AK5: variants seen among roughly 807,000 people sequenced by gnomAD.
AK5 encodes the protein adenylate kinase 5, also known as adenylate kinase isoenzyme 5.
Under a neutral mutation model 69.5 loss-of-function variants are expected in AK5, and 27 were observed. That is an observed-to-expected ratio of 0.39 (90% CI 0.29 to 0.54). AK5 has a LOEUF of 0.54. Ranked by LOEUF, AK5 falls within the 20% of genes least tolerant of loss-of-function variation. AK5 has a pLI of 0.71. For missense variants in AK5, 531 were observed against 700.4 expected, an observed-to-expected ratio of 0.76 and a Z score of 2.73; for synonymous variants, 260 against 244.4, an observed-to-expected ratio of 1.06 and a Z score of -0.60.
chr1:77,291,328 C>T (rs966159489), intron 2 of AK5, among the ~76,000 whole-genome samples: 3 of 152,186 alleles, frequency 2.0e-5, no homozygotes, highest in African/African-American at 7.2e-5. Context: ...TCCATTTCCC[C>T]TGCTGCCACT....
intron 6 of AK5, among the ~76,000 whole-genome samples, chr1:77,355,618 C>T (rs1662471120): frequency 6.6e-6 from 1 of 152,126 alleles, no homozygotes. Context: ...GGTCCCATAA[C>T]ACCCCATTTT....
At chr1:77,478,383 G>A (rs751723532) in intron 8 of AK5, among the ~76,000 whole-genome samples, 10 of 152,158 alleles carry the variant, frequency 6.6e-5, no homozygotes, top group Non-Finnish European at 1.3e-4. Flanking sequence ...TTCCTATGCT[G>A]TTCTCATGAT....
chr1:77,448,792 G>A (rs903076439), intron 8 of AK5, among the ~76,000 whole-genome samples: 1 of 152,212 alleles, frequency 6.6e-6, no homozygotes, highest in Non-Finnish European at 1.5e-5. Context: ...CTGAGCCAGG[G>A]CTGTAACACC....
intron 8 of AK5, among the ~76,000 whole-genome samples, chr1:77,420,987 A>G (rs973023140): frequency 3.9e-5 from 6 of 152,230 alleles, no homozygotes; most frequent in African/African-American, 1.4e-4. Context: ...AAAACATCAT[A>G]TGTGGATACT....
chr1:77,467,594 T>C (rs185017338), intron 8 of AK5, among the ~76,000 whole-genome samples: 335 of 152,344 alleles, frequency 2.2e-3, no homozygotes, highest in African/African-American at 7.2e-3. Context: ...TATATACTAA[T>C]GTGTCAAATC....
At chr1:77,511,190 G>A (rs1030856483) in intron 10 of AK5, among the ~76,000 whole-genome samples, 1 of 152,044 alleles carries the variant, frequency 6.6e-6, no homozygotes, top group Non-Finnish European at 1.5e-5. Context: ...AACAGTAACT[G>A]CCTCATTTTA....
At chr1:77,392,621 A>G (rs572301611) in intron 6 of AK5, among the ~76,000 whole-genome samples, 3 of 152,254 alleles carry the variant, frequency 2.0e-5, no homozygotes, top group South Asian at 4.2e-4. Flanking sequence ...GCTGTCATTC[A>G]GCTGTGTTAA....
rs1486431577 is a variant in AK5, at chr1:77,365,856, A to T, written c.891+25288A>T. ...AGAGGTTTCTTTTATCTCTTTTGTA[A>T]TTCTCTTTTATTTCTAAATATGCAC... On this transcript the variant is annotated intron_variant, in intron 6 of 13. Transcript: ENST00000354567. Among the ~76,000 whole-genome samples the T allele has an allele frequency of 2.6e-5, 4 of 152,082 alleles. No individual in the cohort carries two copies. The East Asian group carries it at 7.7e-4, about 29-fold the overall frequency.
At chr1:77,492,215 G>C (rs1294333296) in intron 10 of AK5, among the ~76,000 whole-genome samples, 4 of 151,214 alleles carry the variant, frequency 2.6e-5, no homozygotes, top group Non-Finnish European at 4.4e-5. Context: ...GTGTGCTTAA[G>C]GGTAAAAATT....
At chr1:77,548,047 A>T (rs1264080085) in intron 13 of AK5, among the ~76,000 whole-genome samples, 1 of 152,170 alleles carries the variant, frequency 6.6e-6, no homozygotes, top group African/African-American at 2.4e-5. Flanking sequence ...ATTTTTTTTC[A>T]TATCTGCTAA....
intron 5 of AK5, among the ~76,000 whole-genome samples, chr1:77,298,355 C>A (rs923852657): frequency 1.3e-5 from 2 of 151,938 alleles, no homozygotes; most frequent in Non-Finnish European, 2.9e-5. Context: ...TACTGAACCA[C>A]CTACGTAGAT....
At chr1:77,521,742 C>CATCCTCAT in intron 11 of AK5, 85 bp from the exon 12 acceptor site, 1 of 960,178 alleles carries the variant, frequency 1.0e-6, no homozygotes, top group Non-Finnish European at 1.7e-6. Flanking sequence ...TCCTCCCTCC[C>CATCCTCAT]TCAGTGGATG....
Position 77,405,383 on chromosome 1 carries a change from C to T in AK5, c.892-5598C>T, listed in dbSNP as rs533196473. On this transcript the variant is annotated intron_variant, in intron 6 of 13. Coordinates refer to ENST00000354567, the MANE Select transcript of AK5 (RefSeq NM_174858.3). Reference sequence around the variant, plus strand: ...TACAAGCCTCCCATGGCTCACTTGGCCTCATGTGCCCCCTTGGCCTCGGTT... The same window carrying T: ...TACAAGCCTCCCATGGCTCACTTGGTCTCATGTGCCCCCTTGGCCTCGGTT... Among the ~76,000 whole-genome samples the T allele has an allele frequency of 3.9e-5, 6 of 152,320 alleles. No homozygotes were observed. In the South Asian group the frequency reaches 8.3e-4, roughly 21 times the overall value.
chr1:77,462,010 G>T (rs969357719), intron 8 of AK5, among the ~76,000 whole-genome samples: 3 of 152,082 alleles, frequency 2.0e-5, no homozygotes, highest in Non-Finnish European at 2.9e-5. Flanking sequence ...AAGTGTTCTA[G>T]GAACATTATT....
intron 12 of AK5, among the ~76,000 whole-genome samples, chr1:77,534,268 A>G (rs1003037084): frequency 6.6e-6 from 1 of 152,200 alleles, no homozygotes; most frequent in African/African-American, 2.4e-5. Flanking sequence ...CCTCTGATCC[A>G]GGGTTGGAGG....
intron 13 of AK5, among the ~76,000 whole-genome samples, chr1:77,538,523 G>C: frequency 6.6e-6 from 1 of 151,304 alleles, no homozygotes; most frequent in African/African-American, 2.4e-5. Context: ...GGTGGCGCGT[G>C]CCTGTAATCC....
intron 2 of AK5, 64 bp from the exon 3 acceptor site, chr1:77,293,729 T>G: frequency 2.2e-6 from 3 of 1,379,800 alleles, no homozygotes; most frequent in Non-Finnish European, 3.0e-6. Flanking sequence ...ACTAACTGTT[T>G]AAGTGTGAAG....
chr1:77,494,924 G>A (rs141289164), intron 10 of AK5, among the ~76,000 whole-genome samples: 2,229 of 152,020 alleles, frequency 0.015, 57 homozygotes, highest in African/African-American at 0.051. Context: ...TGGGACTACA[G>A]GTGCCCGTCA....
intron 13 of AK5, among the ~76,000 whole-genome samples, chr1:77,536,357 C>T (rs72683613): frequency 0.013 from 1,903 of 152,156 alleles, 11 homozygotes; most frequent in Admixed American, 0.021. Context: ...AAGAGGCTGA[C>T]GTGGGAGGAT....
Sources: allele counts gnomAD v4.1 joint callset (sites outside exome capture counted in the v4.1 genomes callset), GRCh38; gene constraint gnomAD v4.1.1; transcripts MANE v1.5; gene names NCBI Gene and HGNC (gene_info 2026-07-23, HGNC 2026-07-21).